The following ARHGAP45 variants were observed in gnomAD, a reference collection of about 807,000 sequenced individuals.
ARHGAP45 encodes the protein rho GTPase-activating protein 45.
ARHGAP45 carries 56 observed loss-of-function variants against 116.1 expected under a neutral mutation model. That is an observed-to-expected ratio of 0.48 (90% CI 0.39 to 0.60). The LOEUF (loss-of-function observed/expected upper bound fraction) is 0.60. Among genes scored for constraint, ARHGAP45 ranks in the 20% least tolerant of loss-of-function variants. The pLI is 0.00. For missense variants in ARHGAP45, 1,622 were observed against 1,601.0 expected (o/e 1.01, Z -0.22); for synonymous variants, 866 against 701.7 (o/e 1.23, Z -3.70).
In ARHGAP45 at chr19:1,080,782, G is replaced by A. The variant is rs750814879; in HGVS notation, c.2013G>A (p.Glu671=). The change falls in exon 16 of 23, where the codon GAG becomes GAA. Residue 671 remains glutamate (E), a synonymous_variant. Transcript: ENST00000313093. The part of the protein sequence containing the change: ...PDGGAGASAF[E]QADLNGMTPE... ...GTGGAGCCGGGGCTTCAGCCTTTGA[G>A]CAGGGTGAGGGTCCCCTGACGGGGC... is the stretch of plus-strand genomic sequence containing the variant. 5 of 1,613,294 alleles carry A rather than the reference G, an allele frequency of 3.1e-6. No homozygotes were observed. The Admixed American group carries it at 5.0e-5, about 16-fold the overall frequency.
intron 10 of ARHGAP45, 111 bp from the exon 11 acceptor site, chr19:1,077,746 C>T: frequency 6.5e-7 from 1 of 1,534,958 alleles, no homozygotes. Context: ...CCAGCTGGGC[C>T]ATGGGGCCTT....
intron 13 of ARHGAP45, 24 bp downstream of exon 13, chr19:1,080,142 C>T (rs1351641581): frequency 1.9e-6 from 3 of 1,610,670 alleles, no homozygotes; most frequent in Middle Eastern, 1.7e-4. Context: ...GCTGCCCTGT[C>T]CCCGGCGCAC....
rs1016301591 is a variant in ARHGAP45, at chr19:1,074,328, C to T, written c.929-15C>T. On this transcript the variant is annotated splice_polypyrimidine_tract_variant and intron_variant, in intron 7 of 22. Transcript: ENST00000313093. ...GGCCTTGTCCCAGCACCTCACACCC[C>T]TCTCCGGCCCGCAGAGATGGAGTTT... 1.9e-6 allele frequency: 3 copies of T among 1,611,128 alleles called. No homozygotes were observed. Among genetic ancestry groups the T allele is most frequent in the East Asian group, 2.2e-5 (1 of 44,872 alleles).
rs201073885 is a variant in ARHGAP45 at position 1,074,010 on chromosome 19, C to A, written c.786C>A (p.Asp262Glu). The A allele has an allele frequency of 6.3e-7, 1 of 1,596,132 alleles. No individual in the cohort carries two copies. Among genetic ancestry groups the A allele is most frequent in the East Asian group, 2.3e-5 (1 of 43,790 alleles). ...CGCCTCCCAGCCTGGAAGACTGTGA[C>A]GCCGGTAAGCCCCCACCCAGCGGCA... ...EGTPPSLEDC[D>E]AGCLPAEEVD... Residue 262 changes from aspartate (D) to glutamate (E), a missense_variant, in exon 6 of 23, where the codon GAC becomes GAA. Physicochemically the swap from Asp to Glu is conservative, Grantham distance 45 (BLOSUM62 2). Coordinates refer to ENST00000313093, the MANE Select transcript of ARHGAP45 (RefSeq NM_012292.5).
chr19:1,082,788 G>GTGGGGGC, intron 19 of ARHGAP45, 52 bp from the exon 20 acceptor site: 1 of 1,416,876 alleles, frequency 7.1e-7, no homozygotes, highest in Non-Finnish European at 9.3e-7. Context: ...GCAGGCACAC[G>GTGGGGGC]TGGGGGCTGG....
In ARHGAP45 at chr19:1,068,250, G is replaced by T. The variant is rs568567875; in HGVS notation, c.91-164G>T. On this transcript the variant is annotated intron_variant, in intron 1 of 22. Transcript: ENST00000313093. This position sits in a 1 kb window ranked among gnomAD's most constrained non-coding sequence, Gnocchi z 7.5. ...GGGAAGAGGATGTTGGGTAACAGGT[G>T]GGGGGGTACACTACCAAATCTCGGC... The T allele has an allele frequency of 3.4e-5, 20 of 596,082 alleles. No homozygotes were observed. Among genetic ancestry groups the T allele is most frequent in the Non-Finnish European group, 5.2e-5 (18 of 347,316 alleles). The allele number at this position is 596,082 out of a possible 1,614,324, so 36.9% of individuals were successfully genotyped here.
rs1207858591 is a variant in ARHGAP45 at position 1,080,072 on chromosome 19, C to A, written c.1657C>A (p.Pro553Thr). 6.2e-7 allele frequency: 1 copy of A among 1,612,604 alleles called. No individual in the cohort carries two copies. The highest frequency in any genetic ancestry group is 1.1e-5 in the South Asian group (1 of 91,086). The change falls in exon 13 of 23, where the codon CCC (proline) becomes ACC (threonine). Residue 553 changes from proline (P) to threonine (T), a missense_variant. Around this residue, in one of 3 missense-constraint regions of ARHGAP45, gnomAD observed 1,334 missense variants for 1,263.8 expected, o/e 1.06. Coordinates refer to ENST00000313093, the MANE Select transcript of ARHGAP45 (RefSeq NM_012292.5). ...GCGCCAGCTGCAGCGGGACCAGGAGCCCGATGTGCACTACGACTTTGAGCC... is the reference window on the plus strand; with the variant it reads ...GCGCCAGCTGCAGCGGGACCAGGAGACCGATGTGCACTACGACTTTGAGCC... ...HVRQLQRDQE[P>T]DVHYDFEPHV...
chr19:1,067,536 C>T, intron 1 of ARHGAP45, 41 bp downstream of exon 1: 1 of 1,531,454 alleles, frequency 6.5e-7, no homozygotes, highest in Non-Finnish European at 8.9e-7. Context: ...GACGCCGGGC[C>T]GCAGGGGGAC....
In ARHGAP45 at chr19:1,074,671, G is replaced by A. The variant is rs2043203472; in HGVS notation, c.1051G>A (p.Gly351Ser). The A allele has an allele frequency of 1.9e-6, 3 of 1,611,164 alleles. No individual in the cohort carries two copies. The highest frequency in any genetic ancestry group is 2.5e-6 in the Non-Finnish European group (3 of 1,179,400). ...GGCCCTGGAGCAGGACCTGGAGTTC[G>A]GCCACAGCATGGTGCAGGCGGTGGG... Reference protein sequence around the residue: ...SLALEQDLEFGHSMVQAVGTL... With the variant: ...SLALEQDLEFSHSMVQAVGTL... The change falls in exon 9 of 23, where the codon GGC (glycine) becomes AGC (serine). Residue 351 changes from glycine (G) to serine (S), a missense_variant. Gly to Ser is a moderately conservative substitution (Grantham distance 56). Around this residue, in one of 3 missense-constraint regions of ARHGAP45, gnomAD observed 1,334 missense variants for 1,263.8 expected, o/e 1.06. Coordinates refer to ENST00000313093, the MANE Select transcript of ARHGAP45 (RefSeq NM_012292.5).
In ARHGAP45 at chr19:1,083,280, G is replaced by A. The variant is rs1344917562; in HGVS notation, c.2882G>A (p.Arg961His). ...SSLVDYPHQA[R>H]VIETLIVHYG... is the part of the protein sequence containing the mutation. ...CTGGTGGATTATCCCCATCAGGCCC[G>A]CGTCATCGAGACTCTCATCGTCCAC... The change falls in exon 21 of 23, where the codon CGC (arginine) becomes CAC (histidine). Residue 961 changes from arginine to histidine, a missense_variant. Physicochemically the swap from Arg to His is conservative, Grantham distance 29 (BLOSUM62 0). This residue lies in a region of ARHGAP45 where 1,334 missense variants were observed against 1,263.8 expected (regional missense o/e 1.06). Coordinates refer to ENST00000313093, the MANE Select transcript of ARHGAP45 (RefSeq NM_012292.5). The A allele has an allele frequency of 2.5e-6, 4 of 1,590,688 alleles. No individual in the cohort carries two copies. The African/African-American group carries it at 4.0e-5, about 16-fold the overall frequency.
upstream of ARHGAP45, chr19:1,066,274 C>T: frequency 4.2e-6 from 2 of 479,542 alleles, no homozygotes; most frequent in Non-Finnish European, 6.3e-6. Flanking sequence ...AGAGTTCACA[C>T]TGCGGGGTGG....
In ARHGAP45 at chr19:1,068,209, G is replaced by C; in HGVS notation, c.91-205G>C. 1.8e-6 allele frequency: 1 copy of C among 557,540 alleles called. No homozygotes were observed. The highest frequency in any genetic ancestry group is 3.2e-5 in the East Asian group (1 of 31,248). 34.5% of individuals were successfully genotyped at this position (557,540 alleles called of 1,614,324 possible). On this transcript the variant is annotated intron_variant, in intron 1 of 22. Coordinates refer to ENST00000313093, the MANE Select transcript of ARHGAP45 (RefSeq NM_012292.5). The surrounding 1 kb of genome is among the most constrained non-coding windows in gnomAD (Gnocchi z 7.5). ...GGCTGTGGTTTGGGCAAGGACCGTT[G>C]TTTGTGAAAGCTCTAGGGAAGAGGA...
In ARHGAP45 at chr19:1,071,669, T is replaced by A. The variant is rs1387918547; in HGVS notation, c.422-1480T>A. 6.6e-6 allele frequency: 1 copy of A among 152,586 alleles called. No homozygotes were observed. Among genetic ancestry groups the A allele is most frequent in the Non-Finnish European group, 1.5e-5 (1 of 68,462 alleles). 9.5% of individuals were successfully genotyped at this position (152,586 alleles called of 1,614,324 possible). A position where few individuals can be genotyped will look rare whatever the true frequency, so the allele number is the denominator to read the frequency against. On this transcript the variant is annotated intron_variant, in intron 2 of 22. Coordinates refer to ENST00000313093, the MANE Select transcript of ARHGAP45 (RefSeq NM_012292.5). The surrounding 1 kb of genome is among the most constrained non-coding windows in gnomAD (Gnocchi z 4.6). ...CGGAGCTCCTGGAGCCCCAATCCCA[T>A]TCCCGGAGTCCGCCTCGCATCCAGC...
At position 1,079,958 on chromosome 19, in the gene ARHGAP45, A is replaced by T. The variant is rs757284409; in HGVS notation, c.1543A>T (p.Met515Leu). Residue 515 changes from methionine (M) to leucine (L), a missense_variant, in exon 13 of 23, where the codon ATG (methionine) becomes TTG (leucine). By Grantham distance (15) the Met-to-Leu change is conservative. This residue lies in a region of ARHGAP45 where 1,334 missense variants were observed against 1,263.8 expected (regional missense o/e 1.06). Coordinates refer to ENST00000313093, the MANE Select transcript of ARHGAP45 (RefSeq NM_012292.5). The stretch of plus-strand genomic sequence containing the variant: ...GATCTCCTACTACCAGATGATGCAT[A>T]TGCAGACGGCGCCGCTGCCCGTGCA... ...ATISYYQMMH[M>L]QTAPLPVHFQ... The T allele has an allele frequency of 6.2e-7, 1 of 1,612,468 alleles. No homozygotes were observed. The highest frequency in any genetic ancestry group is 8.5e-7 in the Non-Finnish European group (1 of 1,179,594).
At chr19:1,067,087 C>G, upstream of ARHGAP45, 3 of 878,940 alleles carry the variant, frequency 3.4e-6, no homozygotes, top group Non-Finnish European at 4.2e-6. Context: ...GCGAGCGGCG[C>G]GGCTCCGAGC....
chr19:1,070,334 T>C (rs57170965), intron 2 of ARHGAP45, among the ~76,000 whole-genome samples: 87 of 127,954 alleles, frequency 6.8e-4, no homozygotes, highest in East Asian at 2.3e-3. Context: ...CTTTTCTTTT[T>C]TTTTTTTTTT....
chr19:1,077,699 T>C (rs2043291742), intron 10 of ARHGAP45, 158 bp from the exon 11 acceptor site: 1 of 1,479,676 alleles, frequency 6.8e-7, no homozygotes, highest in Admixed American at 2.2e-5. Context: ...CCTCCTGTTT[T>C]TCCGCTGCCG....
intron 10 of ARHGAP45, among the ~76,000 whole-genome samples, chr19:1,075,525 G>A (rs2043229408): frequency 6.6e-6 from 1 of 152,078 alleles, no homozygotes; most frequent in South Asian, 2.1e-4. Context: ...GATTACAGAC[G>A]TGAGCCACCG....
chr19:1,081,755 A>C lies in ARHGAP45; in HGVS notation c.2379+17A>C. On this transcript the variant is annotated intron_variant, in intron 18 of 22. Transcript: ENST00000313093. ...CGCACCAAGGTGAGGCGGGGGAGGA[A>C]GCGGCTCACAGCGAGGAGGCGGGAG... 1 of 1,554,462 alleles carries C rather than the reference A, an allele frequency of 6.4e-7. No individual in the cohort carries two copies. Among genetic ancestry groups the C allele is most frequent in the South Asian group, 1.2e-5 (1 of 86,126 alleles).
Sources: gnomAD v4.1 joint callset for allele counts (sites outside exome capture counted in the v4.1 genomes callset) on GRCh38, gnomAD v4.1.1 for gene constraint, gnomAD v4.1.1 regional missense constraint, Gnocchi (gnomAD v3.1) non-coding constraint, MANE v1.5 for transcripts, NCBI Gene and HGNC (gene_info 2026-07-23, HGNC 2026-07-21) for gene names.